Variants in BABAM2 observed in about 807,000 individuals in gnomAD.
BABAM2 encodes BRISC and BRCA1-A complex member 2.
BABAM2 carries 31 observed loss-of-function variants against 54.7 expected under a neutral mutation model. The ratio of observed to expected loss-of-function variants is 0.57; its 90% confidence interval spans 0.43 to 0.77. The LOEUF (loss-of-function observed/expected upper bound fraction) is 0.77. BABAM2 is among the 30% of genes least tolerant of loss of function. BABAM2 has a pLI of 0.00. For synonymous variants in BABAM2, 167 were observed against 162.9 expected (o/e 1.03, Z -0.19); for missense variants, 364 against 455.8 (o/e 0.80, Z 1.83).
chr2:28,205,031 A>AT lies in BABAM2; in HGVS notation c.681-32162dup, dbSNP rs565848893. ...TCAGATTCTGCTGTCATTCTTTTCT[A>AT]TTTTTTTTTGGCCAACCTGGATCAC... On this transcript the variant is annotated intron_variant, in intron 7 of 11. Coordinates refer to ENST00000379624, the MANE Select transcript of BABAM2 (RefSeq NM_199191.3). Among the ~76,000 whole-genome samples, 379 of 147,746 alleles carry AT rather than the reference A, an allele frequency of 2.6e-3. 1 individual carries two copies. Among genetic ancestry groups the AT allele is most frequent in the African/African-American group, 6.4e-3 (259 of 40,330 alleles).
intron 6 of BABAM2, among the ~76,000 whole-genome samples, chr2:28,062,444 T>A (rs1382149657): frequency 6.6e-6 from 1 of 150,626 alleles, no homozygotes; most frequent in Non-Finnish European, 1.5e-5. Flanking sequence ...GTGCCTGTAG[T>A]CCCAGCTACT....
chr2:28,169,855 A>G (rs1674129105), intron 7 of BABAM2, among the ~76,000 whole-genome samples: 1 of 151,938 alleles, frequency 6.6e-6, no homozygotes, highest in African/African-American at 2.4e-5. Flanking sequence ...TAGTCATTGA[A>G]AAAAAAAGCA....
chr2:28,089,826 A>C (rs888648488), intron 6 of BABAM2, among the ~76,000 whole-genome samples: 2 of 152,180 alleles, frequency 1.3e-5, no homozygotes, highest in African/African-American at 4.8e-5. Context: ...TCCACAAATT[A>C]CCTTCAATGC....
chr2:28,205,774 T>TTA (rs1336165859), intron 7 of BABAM2, among the ~76,000 whole-genome samples: 1 of 152,188 alleles, frequency 6.6e-6, no homozygotes, highest in Non-Finnish European at 1.5e-5. Flanking sequence ...TCTATGATAT[T>TTA]TATATATATC....
At chr2:28,335,331 G>A (rs1372769582) in intron 11 of BABAM2, among the ~76,000 whole-genome samples, 1 of 151,876 alleles carries the variant, frequency 6.6e-6, no homozygotes, top group African/African-American at 2.4e-5. Context: ...CACCACACCC[G>A]GCTAATTTTT....
intron 4 of BABAM2, among the ~76,000 whole-genome samples, chr2:27,989,438 A>G (rs543490329): frequency 6.6e-6 from 1 of 152,278 alleles, no homozygotes; most frequent in African/African-American, 2.4e-5. Flanking sequence ...ACATAAGCAC[A>G]TTGGGGGAAT....
At chr2:28,208,068 C>T (rs548465539) in intron 7 of BABAM2, among the ~76,000 whole-genome samples, 5 of 148,932 alleles carry the variant, frequency 3.4e-5, no homozygotes, top group Admixed American at 2.0e-4. Flanking sequence ...TGTGTGTGTA[C>T]ACATGCGCAC....
intron 7 of BABAM2, among the ~76,000 whole-genome samples, chr2:28,204,138 A>G (rs954112202): frequency 1.3e-5 from 2 of 152,062 alleles, no homozygotes; most frequent in African/African-American, 4.8e-5. Flanking sequence ...AGTTACTTAC[A>G]TATTGTGATA....
intron 6 of BABAM2, among the ~76,000 whole-genome samples, chr2:28,046,334 C>G (rs184634316): frequency 2.2e-3 from 328 of 152,250 alleles, no homozygotes; most frequent in African/African-American, 5.9e-3. Flanking sequence ...GTGGCAGGCT[C>G]CTATAATCCC....
At chr2:27,915,689 A>G (rs1386231636) in intron 2 of BABAM2, among the ~76,000 whole-genome samples, 1 of 151,792 alleles carries the variant, frequency 6.6e-6, no homozygotes, top group Non-Finnish European at 1.5e-5. Context: ...TTTTTTTTCT[A>G]TCTTTAGAAA....
intron 10 of BABAM2, among the ~76,000 whole-genome samples, chr2:28,281,235 A>G (rs1049310214): frequency 2.6e-5 from 4 of 152,192 alleles, no homozygotes; most frequent in Non-Finnish European, 5.9e-5. Flanking sequence ...GCTGGTCCCT[A>G]TGGAGGAGGA....
chr2:28,133,606 T>G lies in BABAM2; in HGVS notation c.680+4226T>G, dbSNP rs1216066912. Among the ~76,000 whole-genome samples the G allele has an allele frequency of 2.0e-5, 3 of 152,336 alleles. No homozygotes were observed. The East Asian group carries it at 5.8e-4, about 29-fold the overall frequency. ...CATCTCCTCCATGGGCATAGAGAGA[T>G]ATCGTGGGCCTGGGAGGAACCCCAT... is the stretch of plus-strand genomic sequence containing the variant. On this transcript the variant is annotated intron_variant, in intron 7 of 11. Transcript: ENST00000379624.
intron 6 of BABAM2, among the ~76,000 whole-genome samples, chr2:28,107,535 C>T (rs116669229): frequency 4.9e-4 from 75 of 152,176 alleles, no homozygotes; most frequent in African/African-American, 1.8e-3. Context: ...AGTGACTTTC[C>T]GTGTGCTGTC....
intron 10 of BABAM2, among the ~76,000 whole-genome samples, chr2:28,283,325 T>C: frequency 6.6e-6 from 1 of 152,186 alleles, no homozygotes; most frequent in East Asian, 1.9e-4. Flanking sequence ...TGAACTGTGC[T>C]TTAGCAAGTA....
intron 7 of BABAM2, among the ~76,000 whole-genome samples, chr2:28,167,436 G>C (rs2147836085): frequency 6.6e-6 from 1 of 152,294 alleles, no homozygotes; most frequent in South Asian, 2.1e-4. Flanking sequence ...GCTCATGCCT[G>C]TAATCCCAGC....
intron 3 of BABAM2, among the ~76,000 whole-genome samples, chr2:27,960,362 C>T (rs1224440132): frequency 1.3e-5 from 2 of 152,132 alleles, no homozygotes; most frequent in Non-Finnish European, 2.9e-5. Context: ...TTTGATTCTG[C>T]TGCTAGTGCT....
chr2:28,229,384 A>G (rs1681169161), intron 7 of BABAM2, among the ~76,000 whole-genome samples: 1 of 152,170 alleles, frequency 6.6e-6, no homozygotes, highest in African/African-American at 2.4e-5. Context: ...AGAATAGATG[A>G]TATCATAGAG....
intron 7 of BABAM2, among the ~76,000 whole-genome samples, chr2:28,159,224 G>A (rs1275378820): frequency 6.6e-6 from 1 of 152,172 alleles, no homozygotes; most frequent in African/African-American, 2.4e-5. Context: ...AAGTCAGGAT[G>A]GGAGGTTATG....
intron 2 of BABAM2, among the ~76,000 whole-genome samples, chr2:27,903,586 A>G (rs1246387542): frequency 1.3e-5 from 2 of 152,194 alleles, no homozygotes; most frequent in Admixed American, 6.5e-5. Flanking sequence ...CCCCCTTCTC[A>G]TTAGGGGATA....
Sources: gnomAD v4.1 joint callset for allele counts (sites outside exome capture counted in the v4.1 genomes callset) on GRCh38, gnomAD v4.1.1 for gene constraint, MANE v1.5 for transcripts, NCBI Gene and HGNC (gene_info 2026-07-23, HGNC 2026-07-21) for gene names.